The following WDR49 variants were observed in gnomAD, a reference collection of about 807,000 sequenced individuals.
The protein encoded by WDR49 is cilia- and flagella-associated protein 337.
Under a neutral mutation model 119.5 loss-of-function variants are expected in WDR49, and 107 were observed. The ratio of observed to expected loss-of-function variants is 0.90; its 90% CI spans 0.77 to 1.05. The LOEUF (loss-of-function observed/expected upper bound fraction) is 1.05, where lower values mean the gene tolerates loss of function less well. Among genes scored for constraint, WDR49 ranks in the 50% least tolerant of loss-of-function variants. The pLI, the probability that WDR49 is intolerant of heterozygous loss-of-function variation, is 0.00. For missense variants in WDR49, 1,240 were observed against 1,220.5 expected (o/e 1.02, Z -0.24); for synonymous variants, 425 against 418.8 (o/e 1.01, Z -0.18).
intron 2 of WDR49, among the ~76,000 whole-genome samples, chr3:167,646,918 G>A (rs1463730696): frequency 6.6e-6 from 1 of 152,104 alleles, no homozygotes; most frequent in Non-Finnish European, 1.5e-5. Context: ...TCTTGCACAA[G>A]TATGAGGTAG....
At chr3:167,519,972 G>A (rs758112108) in intron 16 of WDR49, among the ~76,000 whole-genome samples, 3 of 151,998 alleles carry the variant, frequency 2.0e-5, no homozygotes, top group East Asian at 1.9e-4. Context: ...GATGGCTCAC[G>A]TCTGTAATCC....
At chr3:167,505,225 T>C (rs1025547792) in intron 17 of WDR49, 82 bp downstream of exon 17, 1 of 1,285,940 alleles carries the variant, frequency 7.8e-7, no homozygotes. Context: ...GGAACATTCC[T>C]GACACACAGA....
chr3:167,520,644 G>A (rs941413106), intron 16 of WDR49, among the ~76,000 whole-genome samples: 1 of 152,136 alleles, frequency 6.6e-6, no homozygotes, highest in African/African-American at 2.4e-5. Flanking sequence ...GAATGCTAAA[G>A]GGGAATTTTT....
chr3:167,581,010 G>A (rs751018790), intron 7 of WDR49, among the ~76,000 whole-genome samples: 35 of 151,934 alleles, frequency 2.3e-4, no homozygotes, highest in Admixed American at 4.6e-4. Context: ...CATTATATCT[G>A]AGAACTTGTG....
Position 167,627,138 on chromosome 3 carries a change from G to C in WDR49, c.320C>G (p.Thr107Ser). The change falls in exon 3 of 19, where the codon ACT (threonine) becomes AGT (serine). Residue 107 changes from threonine (T) to serine (S), a missense_variant. Transcript: ENST00000682715. ...ATAAAGCTCTAGCAGTATAAATGAA[G>C]TCAGCTTGTCCCAATTAATGAAGCC... ...QDGFINWDKL[T>S]SFILLELYEQ... is the part of the protein sequence containing the mutation. 1 of 1,263,974 alleles carries C rather than the reference G, an allele frequency of 7.9e-7. No individual in the cohort carries two copies. Among genetic ancestry groups the C allele is most frequent in the Non-Finnish European group, 1.0e-6 (1 of 1,004,878 alleles). The allele number at this position is 1,263,974 out of a possible 1,614,324, so 78.3% of individuals were successfully genotyped here. A position where few individuals can be genotyped will look rare whatever the true frequency, so the allele number is the denominator to read the frequency against.
chr3:167,535,757 G>A (rs1345496242), intron 11 of WDR49, among the ~76,000 whole-genome samples: 1 of 152,112 alleles, frequency 6.6e-6, no homozygotes, highest in Non-Finnish European at 1.5e-5. Flanking sequence ...AAATCAGCAT[G>A]TGGAAGAGAT....
chr3:167,624,387 G>A (rs1451239924), intron 3 of WDR49, among the ~76,000 whole-genome samples: 1 of 151,596 alleles, frequency 6.6e-6, no homozygotes, highest in Non-Finnish European at 1.5e-5. Flanking sequence ...ACACAGTATG[G>A]TACCAATTAT....
At chr3:167,611,925 G>A (rs1317328297) in intron 5 of WDR49, among the ~76,000 whole-genome samples, 1 of 152,142 alleles carries the variant, frequency 6.6e-6, no homozygotes, top group African/African-American at 2.4e-5. Flanking sequence ...GCACTGGACA[G>A]AACTTCTGGA....
At position 167,653,266 on chromosome 3, in the gene WDR49, AG is replaced by A. The variant is rs757875703; in HGVS notation, c.159del (p.Phe54LeufsTer21). 2 of 1,536,172 alleles carry A rather than the reference AG, an allele frequency of 1.3e-6. No homozygotes were observed. The highest frequency in any genetic ancestry group is 1.2e-5 in the South Asian group (1 of 84,060). On this transcript the variant is annotated frameshift_variant, in exon 2 of 19. Coordinates refer to ENST00000682715, the MANE Select transcript of WDR49 (RefSeq NM_001366157.1). LOFTEE classifies it high-confidence loss of function. ...SVGDFVKIQK[A>X]FESPQPRKII... ...TCAATAAGCTTCACACTTACCTCAA[AG>A]GCCTTCTGTATTTTTACAAAGTCAC...
intron 7 of WDR49, among the ~76,000 whole-genome samples, chr3:167,601,848 CT>C (rs906307357): frequency 1.3e-5 from 2 of 152,128 alleles, no homozygotes; most frequent in African/African-American, 2.4e-5. Flanking sequence ...ACATTGGAAG[CT>C]GTCAAGGTGT....
chr3:167,493,433 A>G (rs932214136), intron 18 of WDR49, among the ~76,000 whole-genome samples: 2 of 151,712 alleles, frequency 1.3e-5, no homozygotes, highest in Admixed American at 1.3e-4. Context: ...GAGAAACAGC[A>G]CCTCCCTGTG....
chr3:167,492,042 G>A (rs529190742), intron 18 of WDR49, among the ~76,000 whole-genome samples: 4 of 152,148 alleles, frequency 2.6e-5, no homozygotes, highest in Admixed American at 1.3e-4. Context: ...ACCTATGCAC[G>A]AGGTAATTAC....
At chr3:167,558,935 T>C (rs1363910346) in intron 9 of WDR49, among the ~76,000 whole-genome samples, 1 of 152,168 alleles carries the variant, frequency 6.6e-6, no homozygotes, top group Non-Finnish European at 1.5e-5. Flanking sequence ...TTCCCTTTTA[T>C]TTCACCTCAA....
Position 167,500,308 on chromosome 3 carries a change from C to T in WDR49, c.2885-9G>A. The T allele has an allele frequency of 6.2e-7, 1 of 1,605,266 alleles. No individual in the cohort carries two copies. The highest frequency in any genetic ancestry group is 8.5e-7 in the Non-Finnish European group (1 of 1,177,280). On this transcript the variant is annotated splice_polypyrimidine_tract_variant and intron_variant, in intron 17 of 18. Transcript: ENST00000682715. ...TAATGACCTAAATGTACCTTCACAACAGCAGGTTTTAGAGGAAGACAGGGA... is the reference window on the plus strand; with the variant it reads ...TAATGACCTAAATGTACCTTCACAATAGCAGGTTTTAGAGGAAGACAGGGA...
intron 2 of WDR49, among the ~76,000 whole-genome samples, chr3:167,636,210 C>T (rs1289593803): frequency 4.0e-5 from 6 of 151,568 alleles, no homozygotes; most frequent in East Asian, 1.9e-4. Context: ...GTGAGAAATA[C>T]GATGTTTGGT....
At chr3:167,496,324 C>G (rs1438960204) in intron 18 of WDR49, among the ~76,000 whole-genome samples, 1 of 152,068 alleles carries the variant, frequency 6.6e-6, no homozygotes. Context: ...CCCCACCTAC[C>G]TGTCTAGCCT....
At chr3:167,514,628 GACAC>G (rs59265631) in intron 16 of WDR49, among the ~76,000 whole-genome samples, 4,263 of 140,896 alleles carry the variant, frequency 0.03, 48 homozygotes, top group African/African-American at 0.046. Flanking sequence ...AGGAGATGCA[GACAC>G]ACACACACAC....
chr3:167,627,114 T>C lies in WDR49; in HGVS notation c.344A>G (p.Tyr115Cys). 1.6e-6 allele frequency: 2 copies of C among 1,284,894 alleles called. No individual in the cohort carries two copies. Among genetic ancestry groups the C allele is most frequent in the Non-Finnish European group, 2.0e-6 (2 of 1,015,960 alleles). 79.6% of individuals were successfully genotyped at this position (1,284,894 alleles called of 1,614,324 possible). Residue 115 changes from tyrosine (Y) to cysteine (C), a missense_variant, in exon 3 of 19, where the codon TAT becomes TGT. Transcript: ENST00000682715. ...TGCCTTTGCTCGTTCATCTTGCTCA[T>C]AAAGCTCTAGCAGTATAAATGAAGT... is the stretch of plus-strand genomic sequence containing the variant. The part of the protein sequence containing the change: ...KLTSFILLEL[Y>C]EQDERAKATV...
At position 167,602,179 on chromosome 3, in the gene WDR49, G is replaced by A; in HGVS notation, c.1223C>T (p.Ala408Val). 1 of 1,605,910 alleles carries A rather than the reference G, an allele frequency of 6.2e-7. No homozygotes were observed. Among genetic ancestry groups the A allele is most frequent in the Non-Finnish European group, 8.5e-7 (1 of 1,174,202 alleles). The change falls in exon 7 of 19, where the codon GCC (alanine) becomes GTC (valine). Residue 408 changes from alanine (A) to valine (V), a missense_variant. By Grantham distance (64) the Ala-to-Val change is moderately conservative (BLOSUM62 0). Coordinates refer to ENST00000682715, the MANE Select transcript of WDR49 (RefSeq NM_001366157.1). ...VLWGHSASVI[A>V]VQFFVERKQL... ...TTTTCTTTCCACAAAGAATTGGACG[G>A]CTATTACACTGGCTGAGTGGCCCCA...
Sources: allele counts gnomAD v4.1 joint callset (sites outside exome capture counted in the v4.1 genomes callset), GRCh38; gene constraint gnomAD v4.1.1; transcripts MANE v1.5; gene names NCBI Gene and HGNC (gene_info 2026-07-23, HGNC 2026-07-21).